Variants in VWA8 observed in about 807,000 individuals in gnomAD.
VWA8 encodes von Willebrand factor A domain containing 8, also known as von Willebrand factor A domain-containing protein 8.
Under a neutral mutation model 241.5 loss-of-function variants are expected in VWA8, and 221 were observed. The ratio of observed to expected loss-of-function variants is 0.91; its 90% confidence interval spans 0.82 to 1.02. The LOEUF (loss-of-function observed/expected upper bound fraction) is 1.02. VWA8 is among the 50% of genes least tolerant of loss of function. The probability of loss-of-function intolerance (pLI) is 0.00; values close to 1 mark genes in which losing one functional copy is unlikely to be tolerated. For missense variants in VWA8, 2,322 were observed against 2,328.7 expected (o/e 1.00, Z 0.06); for synonymous variants, 852 against 827.1 (o/e 1.03, Z -0.52).
intron 20 of VWA8, among the ~76,000 whole-genome samples, chr13:41,764,892 A>G (rs572194081): frequency 2.6e-5 from 4 of 152,228 alleles, no homozygotes; most frequent in Middle Eastern, 3.4e-3. Flanking sequence ...GTTTTAGAAA[A>G]TTGCTCTGAT....
At chr13:41,653,508 C>T (rs2044881885) in intron 37 of VWA8, among the ~76,000 whole-genome samples, 1 of 152,196 alleles carries the variant, frequency 6.6e-6, no homozygotes, top group African/African-American at 2.4e-5. Flanking sequence ...AGATTCAATA[C>T]TATTCCTATC....
intron 4 of VWA8, among the ~76,000 whole-genome samples, chr13:41,896,658 A>C (rs1306375670): frequency 6.6e-6 from 1 of 152,160 alleles, no homozygotes; most frequent in Non-Finnish European, 1.5e-5. Context: ...GCACCACAAA[A>C]ATATATATTC....
intron 37 of VWA8, among the ~76,000 whole-genome samples, chr13:41,647,090 C>G (rs35377990): frequency 0.02 from 3,000 of 152,298 alleles, 45 homozygotes; most frequent in Non-Finnish European, 0.027. Flanking sequence ...CTTTTCCTCA[C>G]ATATTACACA....
At chr13:41,953,761 A>G (rs1005086099) in intron 1 of VWA8, among the ~76,000 whole-genome samples, 3 of 152,224 alleles carry the variant, frequency 2.0e-5, no homozygotes, top group Non-Finnish European at 4.4e-5. Flanking sequence ...GTGAGCCGAG[A>G]TAGCGCCATT....
intron 20 of VWA8, among the ~76,000 whole-genome samples, chr13:41,768,630 T>C (rs1330929019): frequency 6.6e-6 from 1 of 152,182 alleles, no homozygotes; most frequent in Non-Finnish European, 1.5e-5. Context: ...AAAATTGAAA[T>C]GGCATAATTT....
chr13:41,778,910 C>T (rs530672629), intron 19 of VWA8, among the ~76,000 whole-genome samples: 2 of 132,248 alleles, frequency 1.5e-5, no homozygotes, highest in East Asian at 4.7e-4. Context: ...GGCGCGATCT[C>T]GGCTCACTGC....
chr13:41,819,842 T>C (rs1870873266), intron 14 of VWA8, among the ~76,000 whole-genome samples: 1 of 152,158 alleles, frequency 6.6e-6, no homozygotes, highest in Non-Finnish European at 1.5e-5. Context: ...GACTTTACAG[T>C]ACAGAAAATG....
At chr13:41,845,851 G>T (rs1264009027) in intron 12 of VWA8, among the ~76,000 whole-genome samples, 1 of 152,102 alleles carries the variant, frequency 6.6e-6, no homozygotes, top group East Asian at 1.9e-4. Flanking sequence ...AGAAGTGAAG[G>T]GTGAGGGCTG....
chr13:41,740,575 C>T (rs1257867968), intron 21 of VWA8, among the ~76,000 whole-genome samples: 3 of 152,158 alleles, frequency 2.0e-5, no homozygotes, highest in Non-Finnish European at 2.9e-5. Context: ...TAAATGCAAT[C>T]GGTTTTTTTA....
chr13:41,588,822 C>T (rs769070473), intron 41 of VWA8, among the ~76,000 whole-genome samples: 1 of 151,874 alleles, frequency 6.6e-6, no homozygotes, highest in Admixed American at 6.6e-5. Context: ...TTAGTAATTT[C>T]AAGAAAACAC....
chr13:41,583,532 A>G (rs1383397387), intron 42 of VWA8, among the ~76,000 whole-genome samples: 1 of 151,414 alleles, frequency 6.6e-6, no homozygotes, highest in Non-Finnish European at 1.5e-5. Flanking sequence ...AGTCCTAGGT[A>G]CTCGGGAGGC....
At chr13:41,821,657 G>T (rs1870965352) in intron 14 of VWA8, among the ~76,000 whole-genome samples, 2 of 152,082 alleles carry the variant, frequency 1.3e-5, no homozygotes, top group Admixed American at 1.3e-4. Context: ...TGAAACTACA[G>T]ATACGGCTTA....
At chr13:41,694,381 A>AC (rs1466558579) in intron 29 of VWA8, among the ~76,000 whole-genome samples, 5 of 152,092 alleles carry the variant, frequency 3.3e-5, no homozygotes, top group African/African-American at 9.6e-5. Flanking sequence ...ACCAAGCTTA[A>AC]ATTTCTTTCA....
chr13:41,827,406 G>C (rs1286401443), intron 14 of VWA8, among the ~76,000 whole-genome samples: 1 of 152,116 alleles, frequency 6.6e-6, no homozygotes, highest in Non-Finnish European at 1.5e-5. Flanking sequence ...ATCAATGAAA[G>C]TATACTGTTT....
chr13:41,573,486 A>AAATAAATAAAT, intron 43 of VWA8, among the ~76,000 whole-genome samples: 143 of 113,550 alleles, frequency 1.3e-3, no homozygotes, highest in African/African-American at 2.2e-3. Flanking sequence ...AAAAAAAAAA[A>AAATAAATAAAT]ATATATATAT....
intron 27 of VWA8, among the ~76,000 whole-genome samples, chr13:41,702,925 A>G (rs1382318576): frequency 6.6e-6 from 1 of 152,202 alleles, no homozygotes; most frequent in Non-Finnish European, 1.5e-5. Flanking sequence ...AGGGACTTCT[A>G]TTACAACTAG....
chr13:41,802,509 G>A (rs1014864770), intron 17 of VWA8, among the ~76,000 whole-genome samples: 12 of 152,188 alleles, frequency 7.9e-5, no homozygotes, highest in Admixed American at 3.3e-4. Context: ...ACACCAGTGC[G>A]GACAGCCAAG....
At chr13:41,848,618 G>T (rs1012497977) in intron 12 of VWA8, among the ~76,000 whole-genome samples, 1 of 152,166 alleles carries the variant, frequency 6.6e-6, no homozygotes, top group Non-Finnish European at 1.5e-5. Flanking sequence ...GAAGGTGCCT[G>T]CTTCTCCTTT....
rs1196248509 is a variant in VWA8 at position 41,930,161 on chromosome 13, A to G, written c.242-17993T>C. 2.0e-5 allele frequency among the ~76,000 whole-genome samples: 3 copies of G among 152,338 alleles called. No individual in the cohort carries two copies. The South Asian group carries it at 6.2e-4, about 32-fold the overall frequency. On this transcript the variant is annotated intron_variant, in intron 2 of 44. Coordinates refer to ENST00000379310, the MANE Select transcript of VWA8 (RefSeq NM_015058.2). ...TTAAATCAGGAGTCAGGGAAATACA[A>G]ATCAAAACCACAATGAGATACCACC... is the stretch of plus-strand genomic sequence containing the variant.
Sources: gnomAD v4.1 joint callset for allele counts (sites outside exome capture counted in the v4.1 genomes callset) on GRCh38, gnomAD v4.1.1 for gene constraint, MANE v1.5 for transcripts, NCBI Gene and HGNC (gene_info 2026-07-23, HGNC 2026-07-21) for gene names.